Variants in RAB28 observed in about 807,000 individuals in gnomAD.
The protein encoded by RAB28 is ras-related protein Rab-28.
RAB28 carries 24 observed loss-of-function variants against 31.7 expected under a neutral mutation model. The observed-to-expected ratio is 0.76, with a 90% CI of 0.55 to 1.06. RAB28 has a LOEUF of 1.06. RAB28 is among the 50% of genes least tolerant of loss of function. RAB28 has a pLI of 0.00. For missense variants in RAB28, 254 were observed against 258.5 expected (o/e 0.98, Z 0.12); for synonymous variants, 100 against 90.4 (o/e 1.11, Z -0.60).
At chr4:13,392,061 C>T (rs1729656929) in intron 4 of RAB28, among the ~76,000 whole-genome samples, 1 of 152,056 alleles carries the variant, frequency 6.6e-6, no homozygotes, top group Admixed American at 6.5e-5. Context: ...GCATGTTGTG[C>T]ACATGTACCC....
intron 5 of RAB28, among the ~76,000 whole-genome samples, chr4:13,378,048 G>C (rs922922879): frequency 6.6e-6 from 1 of 152,212 alleles, no homozygotes; most frequent in South Asian, 2.1e-4. Context: ...GAGATGCTGA[G>C]CGGGCAGTTG....
intron 4 of RAB28, among the ~76,000 whole-genome samples, chr4:13,388,837 A>G (rs1292065193): frequency 3.3e-5 from 5 of 152,086 alleles, no homozygotes; most frequent in African/African-American, 9.6e-5. Context: ...TTGAAACACT[A>G]ATGTTTGTTG....
At chr4:13,387,597 G>C (rs1729432542) in intron 4 of RAB28, among the ~76,000 whole-genome samples, 1 of 152,004 alleles carries the variant, frequency 6.6e-6, no homozygotes, top group African/African-American at 2.4e-5. Flanking sequence ...GTGGAGGTTT[G>C]CTACACATTT....
intron 4 of RAB28, among the ~76,000 whole-genome samples, chr4:13,422,462 G>A (rs1369465730): frequency 5.9e-5 from 9 of 152,040 alleles, no homozygotes; most frequent in African/African-American, 9.7e-5. Flanking sequence ...TGTTTATTGC[G>A]GCACTATTCA....
chr4:13,463,347 C>T (rs535246444), intron 3 of RAB28, among the ~76,000 whole-genome samples: 3 of 152,242 alleles, frequency 2.0e-5, no homozygotes, highest in East Asian at 1.9e-4. Flanking sequence ...ATGGAACAAA[C>T]ATTAAAAACT....
chr4:13,482,727 T>C (rs1009126707), intron 1 of RAB28, among the ~76,000 whole-genome samples: 23 of 152,208 alleles, frequency 1.5e-4, no homozygotes, highest in African/African-American at 5.5e-4. Context: ...TCAGAGCATA[T>C]TGTTTTCCTC....
intron 6 of RAB28, among the ~76,000 whole-genome samples, 181 bp downstream of exon 6, chr4:13,376,364 T>G (rs558186338): frequency 6.6e-6 from 1 of 152,232 alleles, no homozygotes; most frequent in Non-Finnish European, 1.5e-5. Flanking sequence ...GTATCATAAT[T>G]TGGCAAAAAG....
chr4:13,410,505 A>G (rs1400768346), intron 4 of RAB28, among the ~76,000 whole-genome samples: 2 of 152,158 alleles, frequency 1.3e-5, no homozygotes, highest in African/African-American at 4.8e-5. Flanking sequence ...AATAACTTAG[A>G]AAGTTTGCTT....
Position 13,368,339 on chromosome 4 carries a change from T to C in RAB28, c.*219A>G. On this transcript the variant is annotated 3_prime_UTR_variant, in exon 7 of 7. Transcript: ENST00000330852. ...GCAGTCTAATTCCAGGGAATGGGTT[T>C]TCCATTTTGAATTCAAAGTGTGTGG... 1 of 1,195,628 alleles carries C rather than the reference T, an allele frequency of 8.4e-7. No homozygotes were observed. Among genetic ancestry groups the C allele is most frequent in the Non-Finnish European group, 1.0e-6 (1 of 964,588 alleles). 74.1% of individuals were successfully genotyped at this position (1,195,628 alleles called of 1,614,324 possible).
chr4:13,439,423 C>T (rs533116183), intron 4 of RAB28, among the ~76,000 whole-genome samples: 32 of 152,318 alleles, frequency 2.1e-4, no homozygotes, highest in African/African-American at 7.7e-4. Context: ...GGCACAATCT[C>T]GGCTCAACGC....
chr4:13,431,475 G>A (rs144665928), intron 4 of RAB28, among the ~76,000 whole-genome samples: 6 of 152,016 alleles, frequency 3.9e-5, no homozygotes, highest in Non-Finnish European at 7.4e-5. Flanking sequence ...ATTTTTAAGC[G>A]CCATCTACTG....
intron 4 of RAB28, among the ~76,000 whole-genome samples, chr4:13,427,106 T>G (rs924106334): frequency 2.0e-5 from 3 of 152,174 alleles, no homozygotes; most frequent in African/African-American, 7.2e-5. Flanking sequence ...AAAGCAAACT[T>G]TTCCATTATT....
At chr4:13,398,420 A>G (rs1229427707) in intron 4 of RAB28, among the ~76,000 whole-genome samples, 1 of 152,186 alleles carries the variant, frequency 6.6e-6, no homozygotes, top group Non-Finnish European at 1.5e-5. Flanking sequence ...TGCATAAAAA[A>G]AAGAGTGTAT....
chr4:13,383,321 G>A (rs1729215770), intron 4 of RAB28, among the ~76,000 whole-genome samples: 1 of 152,108 alleles, frequency 6.6e-6, no homozygotes, highest in African/African-American at 2.4e-5. Context: ...GTCACTTAAT[G>A]TGTGTGTACA....
rs548439499 is a variant in RAB28, at chr4:13,482,201, C to T, written c.75+1875G>A. On this transcript the variant is annotated intron_variant, in intron 1 of 6. Transcript: ENST00000330852. ...AGTGAAAAAATTATCCTGTCCTATA[C>T]AAGAAAAAATTTTAAACAGAGATAA... Among the ~76,000 whole-genome samples, 5 of 151,826 alleles carry T rather than the reference C, an allele frequency of 3.3e-5. 1 individual carries two copies. The highest frequency in any genetic ancestry group is 7.4e-5 in the Non-Finnish European group (5 of 67,938).
At position 13,370,856 on chromosome 4, in the gene RAB28, CTATT is replaced by C. The variant is rs1235802878; in HGVS notation, c.574-2210_574-2207del. ...TCTAAGAGTTTTACTAAATAAGAAA[CTATT>C]TATTTTTACCTTGTTATATTCTTAA... On this transcript the variant is annotated intron_variant, in intron 6 of 6. Coordinates refer to ENST00000330852, the MANE Select transcript of RAB28 (RefSeq NM_001017979.3). 20 of 955,568 alleles carry C rather than the reference CTATT, an allele frequency of 2.1e-5. No homozygotes were observed. In the Admixed American group the frequency reaches 8.0e-4, roughly 38 times the overall value. 59.2% of individuals were successfully genotyped at this position (955,568 alleles called of 1,614,324 possible).
At chr4:13,443,332 T>C (rs1017351586) in intron 4 of RAB28, among the ~76,000 whole-genome samples, 1 of 151,908 alleles carries the variant, frequency 6.6e-6, no homozygotes, top group Non-Finnish European at 1.5e-5. Flanking sequence ...CAGCACCACA[T>C]CCAGCTAATT....
At chr4:13,457,962 T>C (rs1577233393) in intron 4 of RAB28, among the ~76,000 whole-genome samples, 1 of 152,138 alleles carries the variant, frequency 6.6e-6, no homozygotes, top group East Asian at 1.9e-4. Context: ...AAACCTCCAA[T>C]AAAGCACATA....
chr4:13,406,448 G>T (rs1016433320), intron 4 of RAB28, among the ~76,000 whole-genome samples: 4 of 152,176 alleles, frequency 2.6e-5, no homozygotes, highest in African/African-American at 9.7e-5. Flanking sequence ...TGTGAATAGT[G>T]CCGCAATAAA....
Sources: allele counts gnomAD v4.1 joint callset (sites outside exome capture counted in the v4.1 genomes callset), GRCh38; gene constraint gnomAD v4.1.1; transcripts MANE v1.5; gene names NCBI Gene and HGNC (gene_info 2026-07-23, HGNC 2026-07-21).